Variants in NFIX observed in about 807,000 individuals in gnomAD.
The protein encoded by NFIX is nuclear factor I X.
A neutral mutation model predicts 53.3 loss-of-function variants in NFIX; 2 were observed. That is an observed-to-expected ratio of 0.04 (90% confidence interval 0.02 to 0.12). The LOEUF is 0.12. NFIX is among the 10% of genes least tolerant of loss of function. NFIX has a pLI of 1.00. For synonymous variants in NFIX, 244 were observed against 289.0 expected (o/e 0.84, Z 1.58); for missense variants, 310 against 674.5 (o/e 0.46, Z 5.99).
chr19:13,072,833 A>T lies in NFIX; in HGVS notation c.560-214A>T, dbSNP rs1401805572. ...TCCAGGCCAAATGTCAGCAGTGCTG[A>T]GGCTGAGAAACCTGCACTGGGCCTG... On this transcript the variant is annotated intron_variant, in intron 2 of 10. Coordinates refer to ENST00000592199, the MANE Select transcript of NFIX (RefSeq NM_001365902.3). This position sits in a 1 kb window ranked among gnomAD's most constrained non-coding sequence, Gnocchi z 4.0. Among the ~76,000 whole-genome samples the T allele has an allele frequency of 6.6e-6, 1 of 152,168 alleles. No homozygotes were observed. The highest frequency in any genetic ancestry group is 1.5e-5 in the Non-Finnish European group (1 of 68,038).
chr19:13,077,597 A>C (rs1256750491), intron 6 of NFIX, among the ~76,000 whole-genome samples: 3 of 151,786 alleles, frequency 2.0e-5, no homozygotes, highest in Non-Finnish European at 4.4e-5. Flanking sequence ...TTCCCTCTGC[A>C]GTTAAGATGG....
At chr19:13,084,694 C>T (rs950932702) in intron 8 of NFIX, among the ~76,000 whole-genome samples, 9 of 152,100 alleles carry the variant, frequency 5.9e-5, no homozygotes, top group South Asian at 2.1e-4. Flanking sequence ...AGCATGACTC[C>T]GGGAGGCAGG....
rs924194135 is a variant in NFIX at position 13,072,988 on chromosome 19, G to A, written c.560-59G>A. ...ACCAGGCTGGAGGGGCCAATGCTTG[G>A]CTGGTGCTTATGGGGAACTTTGCTC... On this transcript the variant is annotated intron_variant, in intron 2 of 10. Coordinates refer to ENST00000592199, the MANE Select transcript of NFIX (RefSeq NM_001365902.3). This position sits in a 1 kb window ranked among gnomAD's most constrained non-coding sequence, Gnocchi z 4.0. The A allele has an allele frequency of 1.9e-6, 3 of 1,539,608 alleles. No homozygotes were observed. Among genetic ancestry groups the A allele is most frequent in the African/African-American group, 2.7e-5 (2 of 73,406 alleles).
rs1372607996 is a variant in NFIX at position 13,027,842 on chromosome 19, A to G, written c.559+2290A>G. ...CTTCTCTGGGCTGGGGCTGAGGCCG[A>G]GTCTCCTCTACAAAAGCAGAGTAGG... On this transcript the variant is annotated intron_variant, in intron 2 of 10. Coordinates refer to ENST00000592199, the MANE Select transcript of NFIX (RefSeq NM_001365902.3). The surrounding 1 kb of genome is among the most constrained non-coding windows in gnomAD (Gnocchi z 4.3). Among the ~76,000 whole-genome samples the G allele has an allele frequency of 6.6e-6, 1 of 152,224 alleles. No individual in the cohort carries two copies. The highest frequency in any genetic ancestry group is 1.5e-5 in the Non-Finnish European group (1 of 68,032).
At chr19:13,003,882 C>T (rs1477981239) in intron 1 of NFIX, among the ~76,000 whole-genome samples, 4 of 152,148 alleles carry the variant, frequency 2.6e-5, no homozygotes, top group Non-Finnish European at 5.9e-5. Flanking sequence ...TCAAGCAGTT[C>T]TCCCGCTTCA....
At chr19:13,075,423 C>T (rs1419794234) in intron 5 of NFIX, 112 bp from the exon 6 acceptor site, 1 of 1,221,388 alleles carries the variant, frequency 8.2e-7, no homozygotes, top group Admixed American at 2.5e-5. Context: ...TCGGCCGGCA[C>T]CACTCCCCAC....
rs1568316103 is a variant in NFIX at position 13,073,378 on chromosome 19, C to A, written c.623-44C>A. 1.3e-6 allele frequency: 2 copies of A among 1,518,282 alleles called. No individual in the cohort carries two copies. The highest frequency in any genetic ancestry group is 9.2e-7 in the Non-Finnish European group (1 of 1,092,604). The allele number at this position is 1,518,282 out of a possible 1,614,324, so 94.1% of individuals were successfully genotyped here. Reference sequence around the variant, plus strand: ...ACCTTTGGAAATAGCCAGGCAGCCCCCTTCTGGCCTTGTCTTGACTCACTC... The same window carrying A: ...ACCTTTGGAAATAGCCAGGCAGCCCACTTCTGGCCTTGTCTTGACTCACTC... On this transcript the variant is annotated intron_variant, in intron 3 of 10. Transcript: ENST00000592199. This position sits in a 1 kb window ranked among gnomAD's most constrained non-coding sequence, Gnocchi z 4.5.
Position 13,040,825 on chromosome 19 carries a change from CTGTACCTTTGCT to C in NFIX, c.559+15276_559+15287del, listed in dbSNP as rs1813142180. On this transcript the variant is annotated intron_variant, in intron 2 of 10. Coordinates refer to ENST00000592199, the MANE Select transcript of NFIX (RefSeq NM_001365902.3). This position sits in a 1 kb window ranked among gnomAD's most constrained non-coding sequence, Gnocchi z 4.2. ...CTTAAAGTTGATTCTGCTGCCGCTG[CTGTACCTTTGCT>C]TGCCTCGGATCTTAGAACTGTTTCC... 6.6e-6 allele frequency among the ~76,000 whole-genome samples: 1 copy of C among 152,226 alleles called. No individual in the cohort carries two copies. Among genetic ancestry groups the C allele is most frequent in the African/African-American group, 2.4e-5 (1 of 41,458 alleles).
rs1271640536 is a variant in NFIX at position 13,088,219 on chromosome 19, T to TC, written c.1402+88dup. 1.1e-5 allele frequency: 16 copies of TC among 1,460,786 alleles called. No homozygotes were observed. In the East Asian group the frequency reaches 3.8e-4, roughly 34 times the overall value. 90.5% of individuals were successfully genotyped at this position (1,460,786 alleles called of 1,614,324 possible). ...GTCTCCACTGCAAAAAGAAAAGCCT[T>TC]CCCCCTCCCCACCACCAAAGCCCCC... On this transcript the variant is annotated intron_variant, in intron 9 of 10. Transcript: ENST00000592199. The surrounding 1 kb of genome is among the most constrained non-coding windows in gnomAD (Gnocchi z 5.9).
At position 12,998,442 on chromosome 19, in the gene NFIX, G is replaced by A. The variant is rs901318466; in HGVS notation, c.27+2578G>A. Among the ~76,000 whole-genome samples the A allele has an allele frequency of 2.0e-5, 3 of 151,908 alleles. No homozygotes were observed. Among genetic ancestry groups the A allele is most frequent in the African/African-American group, 7.3e-5 (3 of 41,302 alleles). ...CGGGGCCCTGGCGGGGAAAGGTACT[G>A]TGGGCGAGGGGGAAGGGCGGGGGGA... On this transcript the variant is annotated intron_variant, in intron 1 of 10. Coordinates refer to ENST00000592199, the MANE Select transcript of NFIX (RefSeq NM_001365902.3). The surrounding 1 kb of genome is among the most constrained non-coding windows in gnomAD (Gnocchi z 4.4).
intron 1 of NFIX, among the ~76,000 whole-genome samples, chr19:13,003,079 C>T (rs1175793065): frequency 3.3e-5 from 5 of 151,928 alleles, no homozygotes; most frequent in Non-Finnish European, 4.4e-5. Context: ...ATATCGGCTT[C>T]GGTCGAATCA....
chr19:13,083,713 C>T (rs1473503164), intron 8 of NFIX, among the ~76,000 whole-genome samples: 1 of 142,096 alleles, frequency 7.0e-6, no homozygotes, highest in Non-Finnish European at 1.6e-5. Context: ...CTTGTGTGGC[C>T]TGTGTGGCCT....
chr19:13,010,076 C>T (rs1409880380), intron 1 of NFIX, among the ~76,000 whole-genome samples: 1 of 152,218 alleles, frequency 6.6e-6, no homozygotes, highest in Admixed American at 6.5e-5. Context: ...CTCTGCAACC[C>T]GCTTTTCCCT....
chr19:13,085,890 G>A (rs1473473185), intron 8 of NFIX, among the ~76,000 whole-genome samples: 1 of 152,236 alleles, frequency 6.6e-6, no homozygotes, highest in Non-Finnish European at 1.5e-5. Context: ...TGGTACTTGA[G>A]TGCTGCATGC....
intron 2 of NFIX, among the ~76,000 whole-genome samples, chr19:13,041,037 G>A (rs776949230): frequency 6.6e-6 from 1 of 152,168 alleles, no homozygotes; most frequent in Non-Finnish European, 1.5e-5. Context: ...CAGTGGAAAG[G>A]TAGCTAGAGG....
At position 13,073,850 on chromosome 19, in the gene NFIX, G is replaced by T; in HGVS notation, c.698-56G>T. On this transcript the variant is annotated intron_variant, in intron 4 of 10. Coordinates refer to ENST00000592199, the MANE Select transcript of NFIX (RefSeq NM_001365902.3). The surrounding 1 kb of genome is among the most constrained non-coding windows in gnomAD (Gnocchi z 4.5). ...GGAAGCTGTTCATGACAAAGAAACA[G>T]ACCCCATCAGGCCTCCCCCCACCTC... is the stretch of plus-strand genomic sequence containing the variant. 6.2e-7 allele frequency: 1 copy of T among 1,611,282 alleles called. No individual in the cohort carries two copies. Among genetic ancestry groups the T allele is most frequent in the South Asian group, 1.1e-5 (1 of 90,736 alleles).
rs2011686715 is a variant in NFIX at position 13,001,406 on chromosome 19, G to T, written c.27+5542G>T. Among the ~76,000 whole-genome samples, 2 of 151,944 alleles carry T rather than the reference G, an allele frequency of 1.3e-5. No homozygotes were observed. ...TGTGTATTTGGTAGTGGGGGTCGGG[G>T]AGCGTGCCACCATGCGTGTCAGTGT... On this transcript the variant is annotated intron_variant, in intron 1 of 10. Coordinates refer to ENST00000592199, the MANE Select transcript of NFIX (RefSeq NM_001365902.3). The surrounding 1 kb of genome is among the most constrained non-coding windows in gnomAD (Gnocchi z 6.5).
rs1390726086 is a variant in NFIX at position 13,043,913 on chromosome 19, C to G, written c.559+18361C>G. Among the ~76,000 whole-genome samples, 1 of 152,034 alleles carries G rather than the reference C, an allele frequency of 6.6e-6. No homozygotes were observed. Among genetic ancestry groups the G allele is most frequent in the Non-Finnish European group, 1.5e-5 (1 of 68,004 alleles). On this transcript the variant is annotated intron_variant, in intron 2 of 10. Coordinates refer to ENST00000592199, the MANE Select transcript of NFIX (RefSeq NM_001365902.3). The surrounding 1 kb of genome is among the most constrained non-coding windows in gnomAD (Gnocchi z 4.0). Reference sequence around the variant, plus strand: ...GCCGATGTGGGAGGATCATTTGAGCCCAGGAGTTCGAGCCTGGGCCACGTA... The same window carrying G: ...GCCGATGTGGGAGGATCATTTGAGCGCAGGAGTTCGAGCCTGGGCCACGTA...
Position 13,001,899 on chromosome 19 carries a change from G to A in NFIX, c.27+6035G>A, listed in dbSNP as rs936771710. On this transcript the variant is annotated intron_variant, in intron 1 of 10. Transcript: ENST00000592199. This position sits in a 1 kb window ranked among gnomAD's most constrained non-coding sequence, Gnocchi z 6.5. ...AGTGGCCTTGCTGGGGGCCCCGCCCGTGCCCCTGGCCTGGCGTGGACAGAA... is the reference window on the plus strand; with the variant it reads ...AGTGGCCTTGCTGGGGGCCCCGCCCATGCCCCTGGCCTGGCGTGGACAGAA... Among the ~76,000 whole-genome samples the A allele has an allele frequency of 6.6e-6, 1 of 152,240 alleles. No individual in the cohort carries two copies. Among genetic ancestry groups the A allele is most frequent in the African/African-American group, 2.4e-5 (1 of 41,464 alleles).
Sources: allele counts gnomAD v4.1 joint callset (sites outside exome capture counted in the v4.1 genomes callset), GRCh38; gene constraint gnomAD v4.1.1; non-coding constraint Gnocchi (gnomAD v3.1); transcripts MANE v1.5; gene names NCBI Gene and HGNC (gene_info 2026-07-23, HGNC 2026-07-21).